The following DOCK3 variants were observed in gnomAD, a reference collection of about 807,000 sequenced individuals.
DOCK3 encodes dedicator of cytokinesis protein 3.
A neutral mutation model predicts 265.6 loss-of-function variants in DOCK3; 60 were observed. The ratio of observed to expected loss-of-function variants is 0.23; its 90% CI spans 0.18 to 0.28. DOCK3 has a LOEUF of 0.28. Ranked by LOEUF, DOCK3 falls within the 10% of genes least tolerant of loss-of-function variation. DOCK3 has a pLI of 1.00. For synonymous variants in DOCK3, 881 were observed against 938.0 expected (o/e 0.94, Z 1.11); for missense variants, 1,981 against 2,594.3 (o/e 0.76, Z 5.14).
chr3:51,220,687 A>ATGTGTG (rs760900578), intron 14 of DOCK3, among the ~76,000 whole-genome samples: 12,060 of 63,900 alleles, frequency 0.19, 1,177 homozygotes, highest in South Asian at 0.28. Flanking sequence ...ATATATATAT[A>ATGTGTG]TGTGTGTGTG....
chr3:50,936,650 T>C (rs2051377783), intron 5 of DOCK3, among the ~76,000 whole-genome samples: 1 of 152,162 alleles, frequency 6.6e-6, no homozygotes, highest in South Asian at 2.1e-4. Flanking sequence ...ATCCCATCAT[T>C]TTTCAACTGC....
rs188054158 is a variant in DOCK3 at position 50,994,511 on chromosome 3, G to A, written c.315+60434G>A. On this transcript the variant is annotated intron_variant, in intron 5 of 52. Transcript: ENST00000266037. ...TGTTTCTCCCTCAAGAAAGCCAGTG[G>A]ACATTAGTTGTGTTAACTAAGATGT... Among the ~76,000 whole-genome samples, 336 of 152,296 alleles carry A rather than the reference G, an allele frequency of 2.2e-3. 1 individual carries two copies. Among genetic ancestry groups the A allele is most frequent in the African/African-American group, 7.6e-3 (314 of 41,566 alleles).
intron 1 of DOCK3, among the ~76,000 whole-genome samples, chr3:50,770,264 A>G (rs572114295): frequency 2.6e-5 from 4 of 152,366 alleles, no homozygotes; most frequent in East Asian, 1.9e-4. Context: ...TGCAGTATAC[A>G]AAATCAACAT....
chr3:51,248,643 C>T (rs2078961241), intron 22 of DOCK3, among the ~76,000 whole-genome samples: 1 of 152,074 alleles, frequency 6.6e-6, no homozygotes. Context: ...AGCGTCTCCG[C>T]CTGGCCGCCC....
At chr3:51,352,383 G>A (rs2086053797) in intron 40 of DOCK3, among the ~76,000 whole-genome samples, 1 of 152,174 alleles carries the variant, frequency 6.6e-6, no homozygotes, top group Non-Finnish European at 1.5e-5. Context: ...AGTCCAACCT[G>A]TTTCCCACCC....
intron 5 of DOCK3, among the ~76,000 whole-genome samples, chr3:51,018,966 C>A (rs1490076370): frequency 1.3e-5 from 2 of 151,714 alleles, no homozygotes; most frequent in Non-Finnish European, 2.9e-5. Flanking sequence ...TATTTTTAAT[C>A]CCAGTGGTGT....
chr3:51,164,479 C>T (rs931429613), intron 12 of DOCK3, among the ~76,000 whole-genome samples: 1 of 151,990 alleles, frequency 6.6e-6, no homozygotes, highest in African/African-American at 2.4e-5. Flanking sequence ...AAAAATTAGC[C>T]AGCCATGATG....
In DOCK3 at chr3:50,758,696, C is replaced by T. The variant is rs185136938; in HGVS notation, c.38-19979C>T. Among the ~76,000 whole-genome samples, 5 of 152,232 alleles carry T rather than the reference C, an allele frequency of 3.3e-5. No homozygotes were observed. The East Asian group carries it at 5.8e-4, about 18-fold the overall frequency. ...CTTCATTCCACACTTTCCCAGCCCCCGGCAACCAAAATTCTACTTTTTTCT... is the reference window on the plus strand; with the variant it reads ...CTTCATTCCACACTTTCCCAGCCCCTGGCAACCAAAATTCTACTTTTTTCT... On this transcript the variant is annotated intron_variant, in intron 1 of 52. Transcript: ENST00000266037.
At chr3:51,360,671 G>A (rs747504757) in intron 47 of DOCK3, 39 bp downstream of exon 47, 2 of 1,612,130 alleles carry the variant, frequency 1.2e-6, no homozygotes, top group East Asian at 4.5e-5. Context: ...CTCTGGAGAG[G>A]TGAGTCTAAA....
At position 50,694,734 on chromosome 3, in the gene DOCK3, C is replaced by T. The variant is rs189561624; in HGVS notation, c.37+19434C>T. Among the ~76,000 whole-genome samples, 7 of 152,212 alleles carry T rather than the reference C, an allele frequency of 4.6e-5. No homozygotes were observed. In the East Asian group the frequency reaches 5.8e-4, roughly 13 times the overall value. On this transcript the variant is annotated intron_variant, in intron 1 of 52. Coordinates refer to ENST00000266037, the MANE Select transcript of DOCK3 (RefSeq NM_004947.5). ...GCTGAGGTATGAGAATCACTTGAACCGGGGAGGTGGAGGTTACAGTGAGGC... is the reference window on the plus strand; with the variant it reads ...GCTGAGGTATGAGAATCACTTGAACTGGGGAGGTGGAGGTTACAGTGAGGC...
chr3:51,085,923 C>T (rs1230438712), intron 7 of DOCK3, among the ~76,000 whole-genome samples: 8 of 152,042 alleles, frequency 5.3e-5, no homozygotes, highest in African/African-American at 1.2e-4. Context: ...CTAGACTAAT[C>T]GAGAAAAAAG....
chr3:51,187,688 G>A (rs979609497), intron 12 of DOCK3, among the ~76,000 whole-genome samples: 1 of 150,414 alleles, frequency 6.6e-6, no homozygotes, highest in African/African-American at 2.5e-5. Flanking sequence ...TTCTTGTGCT[G>A]TTCTCATGAA....
chr3:51,324,130 A>G (rs2083926270), intron 32 of DOCK3, among the ~76,000 whole-genome samples: 1 of 152,236 alleles, frequency 6.6e-6, no homozygotes, highest in Non-Finnish European at 1.5e-5. Context: ...AGAGGAAGTC[A>G]AATTGTCTCT....
At chr3:51,365,165 G>A (rs2087046267) in intron 49 of DOCK3, among the ~76,000 whole-genome samples, 1 of 152,168 alleles carries the variant, frequency 6.6e-6, no homozygotes, top group Non-Finnish European at 1.5e-5. Context: ...ATTTTGTTGA[G>A]CAGTGGTTTG....
chr3:51,151,260 T>C (rs2107382751), intron 10 of DOCK3, among the ~76,000 whole-genome samples: 1 of 152,330 alleles, frequency 6.6e-6, no homozygotes, highest in South Asian at 2.1e-4. Flanking sequence ...CTTGACTCTT[T>C]ATCCAGTTTG....
intron 2 of DOCK3, among the ~76,000 whole-genome samples, chr3:50,793,358 CTTTT>C (rs568370017): frequency 4.6e-5 from 6 of 130,792 alleles, no homozygotes; most frequent in Admixed American, 1.5e-4. Flanking sequence ...TTTTCTTTTT[CTTTT>C]TTTTTTTTTT....
At chr3:50,845,218 A>G (rs1345124558) in intron 3 of DOCK3, among the ~76,000 whole-genome samples, 2 of 152,200 alleles carry the variant, frequency 1.3e-5, no homozygotes, top group African/African-American at 4.8e-5. Context: ...AAAAAAACCA[A>G]CCAAACAAAA....
intron 23 of DOCK3, among the ~76,000 whole-genome samples, chr3:51,268,677 T>C (rs1285472753): frequency 7.9e-5 from 12 of 152,122 alleles, no homozygotes; most frequent in Admixed American, 7.9e-4. Flanking sequence ...ACCAGTTGCC[T>C]ATAGGTTTCT....
At chr3:51,076,309 A>G (rs2082055386) in intron 7 of DOCK3, among the ~76,000 whole-genome samples, 1 of 152,214 alleles carries the variant, frequency 6.6e-6, no homozygotes, top group African/African-American at 2.4e-5. Context: ...TATAGAGATT[A>G]AAGATAGCTG....
Sources: gnomAD v4.1 joint callset for allele counts (sites outside exome capture counted in the v4.1 genomes callset) on GRCh38, gnomAD v4.1.1 for gene constraint, MANE v1.5 for transcripts, NCBI Gene and HGNC (gene_info 2026-07-23, HGNC 2026-07-21) for gene names.